The following COL4A3 variants were observed in gnomAD, a reference collection of about 807,000 sequenced individuals.
COL4A3 encodes collagen alpha-3(IV) chain.
COL4A3 carries 135 observed loss-of-function variants against 217.4 expected under a neutral mutation model. The observed-to-expected ratio is 0.62, with a 90% CI of 0.54 to 0.72. The LOEUF is 0.72. COL4A3 is among the 30% of genes least tolerant of loss of function. COL4A3 has a pLI of 0.00. For synonymous variants in COL4A3, 690 were observed against 736.3 expected, an observed-to-expected ratio of 0.94 and a Z score of 1.02; for missense variants, 1,868 against 2,119.9, an observed-to-expected ratio of 0.88 and a Z score of 2.33.
rs1351617437 is a variant in COL4A3, at chr2:227,245,675, G to C, written c.325-279G>C. ...TTCTTTTTCCCTTCCTTTCTCCCCA[G>C]CTTAAAACAGCATGTTAAAGGACTC... On this transcript the variant is annotated intron_variant, in intron 5 of 51. Transcript: ENST00000396578. 1.8e-5 allele frequency: 9 copies of C among 494,186 alleles called. No individual in the cohort carries two copies. In the Admixed American group the frequency reaches 2.6e-4, roughly 14 times the overall value. The allele number at this position is 494,186 out of a possible 1,614,324, so 30.6% of individuals were successfully genotyped here.
chr2:227,290,377 G>A (rs1352125541), intron 36 of COL4A3, among the ~76,000 whole-genome samples: 1 of 152,142 alleles, frequency 6.6e-6, no homozygotes. Context: ...GCACATGCCT[G>A]TAGTCCCAGC....
At chr2:227,222,867 G>A (rs2067888389) in intron 1 of COL4A3, among the ~76,000 whole-genome samples, 2 of 152,134 alleles carry the variant, frequency 1.3e-5, no homozygotes, top group South Asian at 4.1e-4. Flanking sequence ...GGGGATATAG[G>A]GGACACAGAA....
intron 18 of COL4A3, among the ~76,000 whole-genome samples, chr2:227,258,565 T>C (rs561777914): frequency 6.6e-5 from 10 of 152,330 alleles, no homozygotes; most frequent in African/African-American, 2.4e-4. Context: ...TGAGGGCTTT[T>C]TTGGCTGCAT....
chr2:227,280,734 C>A, intron 30 of COL4A3, 144 bp downstream of exon 30: 1 of 1,156,714 alleles, frequency 8.6e-7, no homozygotes, highest in Non-Finnish European at 1.3e-6. Context: ...TTCTTCCTTC[C>A]TTCTTTTTTA....
intron 20 of COL4A3, among the ~76,000 whole-genome samples, chr2:227,262,882 G>GT (rs780352279): frequency 6.6e-6 from 1 of 152,130 alleles, no homozygotes; most frequent in Non-Finnish European, 1.5e-5. Context: ...GCACAGTAGG[G>GT]TGACTATAGT....
chr2:227,219,140 A>G (rs1574598470), intron 1 of COL4A3, among the ~76,000 whole-genome samples: 1 of 152,006 alleles, frequency 6.6e-6, no homozygotes, highest in Non-Finnish European at 1.5e-5. Context: ...GATTACAGGC[A>G]TGCACCACCA....
Position 227,302,729 on chromosome 2 carries a change from C to T in COL4A3, c.3883-309C>T, listed in dbSNP as rs76206108. ...AAATCATTCTGGCAGTACTGGGCTACTCCATTTAGGACACAGAATATCCAG... is the reference window on the plus strand; with the variant it reads ...AAATCATTCTGGCAGTACTGGGCTATTCCATTTAGGACACAGAATATCCAG... On this transcript the variant is annotated intron_variant, in intron 43 of 51. Coordinates refer to ENST00000396578, the MANE Select transcript of COL4A3 (RefSeq NM_000091.5). 1.7e-3 allele frequency among the ~76,000 whole-genome samples: 241 copies of T among 138,028 alleles called. 1 individual carries two copies. The highest frequency in any genetic ancestry group is 6.3e-3 in the African/African-American group (230 of 36,426). 90.6% of individuals were successfully genotyped at this position (138,028 alleles called of 152,430 possible).
intron 1 of COL4A3, among the ~76,000 whole-genome samples, chr2:227,174,841 G>T (rs6748371): frequency 0.049 from 7,529 of 152,154 alleles, 232 homozygotes; most frequent in Admixed American, 0.087. Context: ...TACTATTCAA[G>T]GCCAGACGCT....
At chr2:227,246,044 T>G in intron 6 of COL4A3, 28 bp downstream of exon 6, 1 of 1,527,308 alleles carries the variant, frequency 6.5e-7, no homozygotes, top group Non-Finnish European at 9.1e-7. Context: ...AGAAGATGAT[T>G]AATAAATGCT....
At chr2:227,222,174 T>TAATAAAAAA (rs59035555) in intron 1 of COL4A3, among the ~76,000 whole-genome samples, 5 of 113,156 alleles carry the variant, frequency 4.4e-5, no homozygotes, top group Non-Finnish European at 8.0e-5. Context: ...ATGATAATGA[T>TAATAAAAAA]AATAAAAAGC....
At chr2:227,174,785 G>A (rs182576706) in intron 1 of COL4A3, among the ~76,000 whole-genome samples, 58 of 152,308 alleles carry the variant, frequency 3.8e-4, no homozygotes, top group African/African-American at 1.4e-3. Flanking sequence ...GGGATTATAG[G>A]CGTGAGCCCC....
Position 227,246,677 on chromosome 2 carries a change from T to A in COL4A3, c.388-8T>A. 6.2e-7 allele frequency: 1 copy of A among 1,608,588 alleles called. No individual in the cohort carries two copies. Among genetic ancestry groups the A allele is most frequent in the Non-Finnish European group, 8.5e-7 (1 of 1,175,250 alleles). On this transcript the variant is annotated splice_polypyrimidine_tract_variant and splice_region_variant and intron_variant, in intron 6 of 51. Coordinates refer to ENST00000396578, the MANE Select transcript of COL4A3 (RefSeq NM_000091.5). ...TAAGAATAATAAGAAACTTTGTATG[T>A]CTTTTAGGGTGAGCAGGGGTTTCCA...
At position 227,276,512 on chromosome 2, in the gene COL4A3, C is replaced by CAGA. The variant is rs781498645; in HGVS notation, c.2020+36_2020+38dup. 10 of 1,426,070 alleles carry CAGA rather than the reference C, an allele frequency of 7.0e-6. No homozygotes were observed. In the Admixed American group the frequency reaches 1.0e-4, roughly 14 times the overall value. 88.3% of individuals were successfully genotyped at this position (1,426,070 alleles called of 1,614,324 possible). A position where few individuals can be genotyped will look rare whatever the true frequency, so the allele number is the denominator to read the frequency against. On this transcript the variant is annotated intron_variant, in intron 27 of 51. Transcript: ENST00000396578. ...CTCTGCCAAATCTGGTACATGGCAT[C>CAGA]AGACACACACAACACCCTGACTCTC...
At chr2:227,275,110 T>A (rs2071478440) in intron 26 of COL4A3, among the ~76,000 whole-genome samples, 1 of 152,188 alleles carries the variant, frequency 6.6e-6, no homozygotes, top group Non-Finnish European at 1.5e-5. Flanking sequence ...AATTTCTTAC[T>A]ATCTGGCCCT....
intron 2 of COL4A3, among the ~76,000 whole-genome samples, chr2:227,239,358 G>A (rs1167660050): frequency 1.3e-5 from 2 of 152,154 alleles, no homozygotes; most frequent in African/African-American, 2.4e-5. Context: ...ATGCAAATAC[G>A]ATGCCATTTT....
Position 227,263,856 on chromosome 2 carries a change from A to C in COL4A3, c.1227A>C (p.Pro409=), listed in dbSNP as rs2070737897. 2 of 1,614,178 alleles carry C rather than the reference A, an allele frequency of 1.2e-6. No homozygotes were observed. Among genetic ancestry groups the C allele is most frequent in the Non-Finnish European group, 1.7e-6 (2 of 1,180,004 alleles). ...GAAGTAAAGGGGAACGAGGCCGCCC[A>C]GGAAAGGATGCCATGGGGACTCCTG... ...LKGSKGERGR[P]GKDAMGTPGS... The change falls in exon 21 of 52, where the codon CCA becomes CCC. Residue 409 remains proline (P), a synonymous_variant. Transcript: ENST00000396578.
At chr2:227,221,803 A>G (rs2067801981) in intron 1 of COL4A3, among the ~76,000 whole-genome samples, 1 of 152,132 alleles carries the variant, frequency 6.6e-6, no homozygotes, top group African/African-American at 2.4e-5. Flanking sequence ...ATAGTACATA[A>G]TAAATGTTTT....
At chr2:227,266,082 A>AC in intron 21 of COL4A3, 1 of 316,822 alleles carries the variant, frequency 3.2e-6, no homozygotes. Context: ...GGATTATAGA[A>AC]CTACAATTCA....
At chr2:227,246,116 C>A (rs1574674412) in intron 6 of COL4A3, 100 bp downstream of exon 6, 1 of 955,574 alleles carries the variant, frequency 1.0e-6, no homozygotes, top group Non-Finnish European at 1.7e-6. Context: ...CCCTTGAAAA[C>A]ATTCCTTTAG....
Sources: allele counts gnomAD v4.1 joint callset (sites outside exome capture counted in the v4.1 genomes callset), GRCh38; gene constraint gnomAD v4.1.1; transcripts MANE v1.5; gene names NCBI Gene and HGNC (gene_info 2026-07-23, HGNC 2026-07-21).